The following M1AP variants were observed in gnomAD, a reference collection of about 807,000 sequenced individuals.
M1AP encodes meiosis 1 associated protein, also known as meiosis 1 arrest protein.
Under a neutral mutation model 51.2 loss-of-function variants are expected in M1AP, and 39 were observed. That is an observed-to-expected ratio of 0.76 (90% CI 0.59 to 1.00). M1AP has a LOEUF of 1.00. M1AP is among the 50% of genes least tolerant of loss of function. The probability of loss-of-function intolerance (pLI) is 0.00; values close to 1 mark genes in which losing one functional copy is unlikely to be tolerated. For synonymous variants in M1AP, 251 were observed against 249.2 expected, an observed-to-expected ratio of 1.01 and a Z score of -0.07; for missense variants, 545 against 641.2, an observed-to-expected ratio of 0.85 and a Z score of 1.62.
chr2:74,572,877 G>A (rs1189032018), intron 7 of M1AP, among the ~76,000 whole-genome samples: 1 of 152,136 alleles, frequency 6.6e-6, no homozygotes, highest in African/African-American at 2.4e-5. Context: ...CAAAGAAAAG[G>A]TCTCTTCATC....
chr2:74,613,058 A>T (rs1257535237), intron 3 of M1AP, among the ~76,000 whole-genome samples: 1 of 152,036 alleles, frequency 6.6e-6, no homozygotes, highest in Non-Finnish European at 1.5e-5. Context: ...CTTCAGCCAT[A>T]GGTCTACAAA....
intron 2 of M1AP, among the ~76,000 whole-genome samples, chr2:74,639,078 A>G (rs1683142928): frequency 6.6e-6 from 1 of 152,238 alleles, no homozygotes; most frequent in Admixed American, 6.5e-5. Flanking sequence ...GAAATAAACC[A>G]TGAGTTGTTA....
intron 4 of M1AP, among the ~76,000 whole-genome samples, chr2:74,601,967 G>A (rs938604969): frequency 6.6e-6 from 1 of 152,156 alleles, no homozygotes; most frequent in Non-Finnish European, 1.5e-5. Context: ...AAATGAATCT[G>A]CAATATCAAC....
chr2:74,609,753 C>G (rs1400594949), intron 3 of M1AP, among the ~76,000 whole-genome samples: 1 of 152,286 alleles, frequency 6.6e-6, no homozygotes, highest in East Asian at 1.9e-4. Context: ...AGTAGCCATT[C>G]TAACTGGGGT....
At chr2:74,572,914 G>A (rs1678832881) in intron 7 of M1AP, among the ~76,000 whole-genome samples, 1 of 152,200 alleles carries the variant, frequency 6.6e-6, no homozygotes, top group African/African-American at 2.4e-5. Context: ...GCATACAGTG[G>A]TGAGTAAATA....
chr2:74,582,110 T>A (rs530472923), intron 4 of M1AP, among the ~76,000 whole-genome samples: 1 of 152,158 alleles, frequency 6.6e-6, no homozygotes. Context: ...TTTAAAAAAC[T>A]TTTTTTTAGA....
chr2:74,576,252 C>T (rs561722738), intron 6 of M1AP, among the ~76,000 whole-genome samples: 4 of 152,192 alleles, frequency 2.6e-5, no homozygotes, highest in Admixed American at 6.5e-5. Flanking sequence ...TCTACTGCAG[C>T]GCTTCTCCCA....
intron 3 of M1AP, among the ~76,000 whole-genome samples, chr2:74,607,939 AG>A (rs922013999): frequency 6.6e-6 from 1 of 152,170 alleles, no homozygotes; most frequent in Non-Finnish European, 1.5e-5. Flanking sequence ...ATTATTTTTT[AG>A]GGAAGTTTTA....
intron 2 of M1AP, among the ~76,000 whole-genome samples, chr2:74,626,264 T>G (rs1573172012): frequency 6.6e-6 from 1 of 150,566 alleles, no homozygotes; most frequent in Non-Finnish European, 1.5e-5. Context: ...TCAGTTTTTT[T>G]TTTTTTTTTT....
intron 3 of M1AP, among the ~76,000 whole-genome samples, chr2:74,611,244 A>C (rs1681322131): frequency 6.6e-6 from 1 of 152,248 alleles, no homozygotes; most frequent in Admixed American, 6.5e-5. Context: ...GTAGTTAAGA[A>C]GAATTGCTAT....
chr2:74,613,010 C>A (rs1307859167), intron 3 of M1AP, among the ~76,000 whole-genome samples: 1 of 151,594 alleles, frequency 6.6e-6, no homozygotes, highest in Non-Finnish European at 1.5e-5. Context: ...CAGATTTGAA[C>A]ATTTCTATTG....
At position 74,607,174 on chromosome 2, in the gene M1AP, T is replaced by A. The variant is rs117569670; in HGVS notation, c.476A>T (p.Glu159Val). The change falls in exon 4 of 11, where the codon GAG becomes GTG. Residue 159 changes from glutamate to valine, a missense_variant. By Grantham distance (121) the Glu-to-Val change is moderately radical (BLOSUM62 -2). Coordinates refer to ENST00000421985, the MANE Select transcript of M1AP (RefSeq NM_001321739.2). The part of the protein sequence containing the change: ...QPGKEVVKQL[E>V]EGLKDTDLAR... Reference sequence around the variant, plus strand: ...TAGGTCTGTATCTTTCAACCCTTCCTCCAACTGTTTGACCACCTCTTTTCC... The same window carrying A: ...TAGGTCTGTATCTTTCAACCCTTCCACCAACTGTTTGACCACCTCTTTTCC... The A allele has an allele frequency of 1.1e-3, 1,705 of 1,614,100 alleles. 28 individuals are homozygous for A. The East Asian group carries it at 0.034, about 32-fold the overall frequency.
In M1AP at chr2:74,576,533, G is replaced by A; in HGVS notation, c.855C>T (p.Asp285=). ...AGAGTGTGATGAAGTCTCCTTTAGG[G>A]TCATCCATTCTCAAGGAGCCGTCAG... ...GTADGSLRMD[D]PKGDFITLYQ... Residue 285 remains aspartate, a synonymous_variant, in exon 6 of 11, where the codon GAC becomes GAT. Coordinates refer to ENST00000421985, the MANE Select transcript of M1AP (RefSeq NM_001321739.2). The A allele has an allele frequency of 3.1e-6, 5 of 1,614,004 alleles. No homozygotes were observed. The highest frequency in any genetic ancestry group is 1.3e-5 in the African/African-American group (1 of 75,042).
chr2:74,638,058 CT>C (rs879482436), intron 2 of M1AP, among the ~76,000 whole-genome samples: 245 of 143,512 alleles, frequency 1.7e-3, no homozygotes, highest in Admixed American at 1.8e-3. Context: ...TGGGACAATT[CT>C]TTTTTTTTTT....
chr2:74,590,186 G>C (rs2104627367), intron 4 of M1AP, among the ~76,000 whole-genome samples: 1 of 152,254 alleles, frequency 6.6e-6, no homozygotes, highest in Middle Eastern at 3.4e-3. Flanking sequence ...CGTTTTGGAG[G>C]CTGGGAAGTC....
At chr2:74,634,782 G>A (rs1682888268) in intron 2 of M1AP, among the ~76,000 whole-genome samples, 1 of 151,982 alleles carries the variant, frequency 6.6e-6, no homozygotes, top group African/African-American at 2.4e-5. Context: ...CTTTTAATAT[G>A]GTATACTACT....
intron 9 of M1AP, 28 bp downstream of exon 9, chr2:74,560,123 G>A (rs771886427): frequency 6.8e-6 from 11 of 1,611,056 alleles, no homozygotes; most frequent in Non-Finnish European, 3.4e-6. Flanking sequence ...GGGAAGTAAG[G>A]AAGAGGAGGG....
Position 74,640,123 on chromosome 2 carries a change from T to C in M1AP, c.153A>G (p.Leu51=), listed in dbSNP as rs760675828. The C allele has an allele frequency of 1.1e-5, 18 of 1,614,034 alleles. No homozygotes were observed. The highest frequency in any genetic ancestry group is 1.4e-5 in the Non-Finnish European group (17 of 1,180,018). ...GGCTGGGGCCCATCAAGCTGCAGGC[T>C]AGAGAGAAGAAGTTCTGCAGAGCCT... ...LCEALQNFFS[L]ACSLMGPSRM... Residue 51 remains leucine, a synonymous_variant, in exon 2 of 11, where the codon CTA becomes CTG. Coordinates refer to ENST00000421985, the MANE Select transcript of M1AP (RefSeq NM_001321739.2).
rs1345387619 is a variant in M1AP at position 74,558,890 on chromosome 2, C to A, written c.1435-16G>T. Reference sequence around the variant, plus strand: ...ACTGCCCAGTCTGCAAAGAGAGCAACCAGAGCCTTCTCTGAAGATCAGAGT... The same window carrying A: ...ACTGCCCAGTCTGCAAAGAGAGCAAACAGAGCCTTCTCTGAAGATCAGAGT... On this transcript the variant is annotated splice_polypyrimidine_tract_variant and intron_variant, in intron 10 of 10. Transcript: ENST00000421985. 8 of 1,570,632 alleles carry A rather than the reference C, an allele frequency of 5.1e-6. No individual in the cohort carries two copies. Among genetic ancestry groups the A allele is most frequent in the Non-Finnish European group, 6.0e-6 (7 of 1,164,374 alleles).
Sources: gnomAD v4.1 joint callset for allele counts (sites outside exome capture counted in the v4.1 genomes callset) on GRCh38, gnomAD v4.1.1 for gene constraint, MANE v1.5 for transcripts, NCBI Gene and HGNC (gene_info 2026-07-23, HGNC 2026-07-21) for gene names.